Variants in DLGAP4 observed in about 807,000 individuals in gnomAD.
DLGAP4 encodes DLG associated protein 4.
A neutral mutation model predicts 86.9 loss-of-function variants in DLGAP4; 18 were observed. The ratio of observed to expected loss-of-function variants is 0.21; its 90% CI spans 0.14 to 0.31. The LOEUF (loss-of-function observed/expected upper bound fraction) is 0.31. DLGAP4 is among the 10% of genes least tolerant of loss of function. DLGAP4 has a pLI of 1.00. For synonymous variants in DLGAP4, 548 were observed against 574.3 expected (o/e 0.95, Z 0.65); for missense variants, 1,085 against 1,362.6 (o/e 0.80, Z 3.21).
chr20:36,309,492 C>T (rs1180461065), intron 1 of DLGAP4, among the ~76,000 whole-genome samples: 2 of 152,158 alleles, frequency 1.3e-5, no homozygotes, highest in Non-Finnish European at 1.5e-5. Flanking sequence ...TGTCCATGTG[C>T]GTTCCTGGCC....
chr20:36,422,049 T>C (rs1013490308), intron 2 of DLGAP4, among the ~76,000 whole-genome samples: 1 of 151,978 alleles, frequency 6.6e-6, no homozygotes, highest in Non-Finnish European at 1.5e-5. Context: ...AGATGTGGGT[T>C]GAGCACGGGA....
intron 7 of DLGAP4, among the ~76,000 whole-genome samples, chr20:36,474,531 C>G (rs896346181): frequency 6.6e-6 from 1 of 152,196 alleles, no homozygotes; most frequent in Non-Finnish European, 1.5e-5. Context: ...TAGTTCTAGC[C>G]TCTCCTGGAA....
chr20:36,436,017 G>A, intron 3 of DLGAP4, 92 bp from the exon 4 acceptor site: 2 of 1,438,936 alleles, frequency 1.4e-6, no homozygotes, highest in Admixed American at 2.7e-5. Flanking sequence ...ATTCTGCAGG[G>A]AACGAGGGAG....
chr20:36,400,634 CTCCT>C (rs944891819), intron 2 of DLGAP4, among the ~76,000 whole-genome samples: 11 of 151,490 alleles, frequency 7.3e-5, no homozygotes, highest in African/African-American at 2.7e-4. Context: ...TGCAGCCCAA[CTCCT>C]TCCTTTCTGA....
chr20:36,445,401 GGCTGAGGCAGAAGAATT>G (rs1296033478), intron 6 of DLGAP4, among the ~76,000 whole-genome samples: 1 of 152,180 alleles, frequency 6.6e-6, no homozygotes, highest in Admixed American at 6.5e-5. Flanking sequence ...CTACTCAGGA[GGCTGAGGCAGAAGAATT>G]GCTTGAACCC....
chr20:36,363,243 G>C (rs782013896), intron 1 of DLGAP4, among the ~76,000 whole-genome samples: 2 of 152,230 alleles, frequency 1.3e-5, no homozygotes, highest in African/African-American at 4.8e-5. Flanking sequence ...AGGAGCAGGT[G>C]GGGGAGGGAA....
At chr20:36,333,707 C>A (rs2065293309) in intron 1 of DLGAP4, among the ~76,000 whole-genome samples, 1 of 152,252 alleles carries the variant, frequency 6.6e-6, no homozygotes, top group African/African-American at 2.4e-5. Context: ...TAGGCCAGGT[C>A]TTCCTGGCTG....
At chr20:36,522,313 C>T (rs2037428025) in intron 10 of DLGAP4, among the ~76,000 whole-genome samples, 1 of 152,066 alleles carries the variant, frequency 6.6e-6, no homozygotes, top group African/African-American at 2.4e-5. Flanking sequence ...CATCCACTAC[C>T]ACACCCAGCT....
chr20:36,397,990 G>A (rs1217207067), intron 2 of DLGAP4, among the ~76,000 whole-genome samples: 4 of 152,042 alleles, frequency 2.6e-5, no homozygotes, highest in African/African-American at 4.8e-5. Flanking sequence ...ATGTGGTGGC[G>A]GGCGCCTGTA....
At chr20:36,365,697 A>T (rs1158623077) in intron 1 of DLGAP4, among the ~76,000 whole-genome samples, 4 of 152,200 alleles carry the variant, frequency 2.6e-5, no homozygotes, top group African/African-American at 9.7e-5. Context: ...TTTGGCACTG[A>T]GTAGATTCTG....
chr20:36,315,048 GCGCCCCCC>G (rs1569451849), intron 1 of DLGAP4, among the ~76,000 whole-genome samples: 8 of 4,310 alleles, frequency 1.9e-3, no homozygotes, highest in Non-Finnish European at 3.1e-3. Flanking sequence ...GTGGTGTGTT[GCGCCCCCC>G]CGTGTGTGGT....
intron 1 of DLGAP4, among the ~76,000 whole-genome samples, chr20:36,342,739 G>T (rs542666870): frequency 1.3e-5 from 2 of 152,316 alleles, no homozygotes; most frequent in Admixed American, 6.5e-5. Flanking sequence ...CCCATGGAGG[G>T]GCCTTTGCTG....
At chr20:36,368,881 G>A (rs886646852) in intron 2 of DLGAP4, among the ~76,000 whole-genome samples, 4 of 152,230 alleles carry the variant, frequency 2.6e-5, no homozygotes, top group African/African-American at 9.7e-5. Flanking sequence ...GGGAGACTGA[G>A]GCAGGGACTT....
At chr20:36,334,607 G>T (rs1354504175) in intron 1 of DLGAP4, among the ~76,000 whole-genome samples, 6 of 152,186 alleles carry the variant, frequency 3.9e-5, no homozygotes, top group African/African-American at 1.4e-4. Context: ...TCGGGACAGG[G>T]GCTGGGGAGG....
intron 2 of DLGAP4, among the ~76,000 whole-genome samples, chr20:36,374,467 G>A (rs1225470912): frequency 1.3e-5 from 2 of 152,202 alleles, no homozygotes; most frequent in Non-Finnish European, 2.9e-5. Flanking sequence ...AGGATGAGAG[G>A]AGGCAGGCCC....
In DLGAP4 at chr20:36,496,566, C is replaced by T; in HGVS notation, c.1649-139C>T. ...AGTCTTGACCCTCGTTCTCCCTGCTCCAGAAATCCTTGCGGACGGAATGGC... is the reference window on the plus strand; with the variant it reads ...AGTCTTGACCCTCGTTCTCCCTGCTTCAGAAATCCTTGCGGACGGAATGGC... On this transcript the variant is annotated intron_variant, in intron 7 of 12. Transcript: ENST00000339266. 3.6e-6 allele frequency: 5 copies of T among 1,374,874 alleles called. No individual in the cohort carries two copies. In the South Asian group the frequency reaches 7.5e-5, roughly 20 times the overall value. 85.2% of individuals were successfully genotyped at this position (1,374,874 alleles called of 1,614,324 possible). A position where few individuals can be genotyped will look rare whatever the true frequency, so the allele number is the denominator to read the frequency against.
At chr20:36,467,070 C>CG (rs1569509734) in intron 7 of DLGAP4, among the ~76,000 whole-genome samples, 4 of 137,078 alleles carry the variant, frequency 2.9e-5, no homozygotes, top group African/African-American at 1.1e-4. Flanking sequence ...CTCTCCCCCC[C>CG]CCTTCTCTCG....
chr20:36,417,570 G>A (rs542095750), intron 2 of DLGAP4, among the ~76,000 whole-genome samples: 32 of 151,988 alleles, frequency 2.1e-4, no homozygotes, highest in African/African-American at 5.3e-4. Flanking sequence ...GTTTTGGAGC[G>A]ACAGGGTCTC....
At chr20:36,506,615 A>T (rs1175847790) in intron 10 of DLGAP4, among the ~76,000 whole-genome samples, 1 of 152,230 alleles carries the variant, frequency 6.6e-6, no homozygotes, top group Non-Finnish European at 1.5e-5. Flanking sequence ...AACCTGAAGA[A>T]CTTTAAACTT....
Sources: gnomAD v4.1 joint callset for allele counts (sites outside exome capture counted in the v4.1 genomes callset) on GRCh38, gnomAD v4.1.1 for gene constraint, MANE v1.5 for transcripts, NCBI Gene and HGNC (gene_info 2026-07-23, HGNC 2026-07-21) for gene names.